ERC2: variants seen among roughly 807,000 people sequenced by gnomAD.
ERC2 encodes the protein ERC protein 2.
ERC2 carries 42 observed loss-of-function variants against 114.8 expected under a neutral mutation model. That is an observed-to-expected ratio of 0.37 (90% confidence interval 0.29 to 0.47). The LOEUF is 0.47. Among genes scored for constraint, ERC2 ranks in the 20% least tolerant of loss-of-function variants. ERC2 has a pLI of 0.99. For missense variants in ERC2, 939 were observed against 1,150.7 expected, an observed-to-expected ratio of 0.82 and a Z score of 2.66; for synonymous variants, 454 against 425.5, an observed-to-expected ratio of 1.07 and a Z score of -0.82.
intron 2 of ERC2, among the ~76,000 whole-genome samples, chr3:56,356,627 T>G (rs2058754216): frequency 6.6e-6 from 1 of 152,214 alleles, no homozygotes; most frequent in Admixed American, 6.5e-5. Flanking sequence ...GGCCTTTCCT[T>G]CCTTTCCTGG....
rs982196398 is a variant in ERC2, at chr3:55,792,482, C to T, written c.2565-57564G>A. ...CTGCTAAAATTAAGAGAGCAGATCA[C>T]TTCCCTTCTTACACCTAATCACCAG... On this transcript the variant is annotated intron_variant, in intron 14 of 17. Transcript: ENST00000288221. Among the ~76,000 whole-genome samples the T allele has an allele frequency of 2.0e-5, 3 of 152,278 alleles. No homozygotes were observed. In the South Asian group the frequency reaches 6.2e-4, roughly 32 times the overall value.
At chr3:55,771,981 C>T (rs2068240005) in intron 14 of ERC2, among the ~76,000 whole-genome samples, 1 of 152,174 alleles carries the variant, frequency 6.6e-6, no homozygotes, top group African/African-American at 2.4e-5. Flanking sequence ...CTGGGAGCAA[C>T]TCATAAAGGA....
intron 2 of ERC2, among the ~76,000 whole-genome samples, chr3:56,349,870 G>A (rs1219690876): frequency 5.4e-5 from 8 of 149,446 alleles, no homozygotes; most frequent in Admixed American, 1.3e-4. Flanking sequence ...CAGAGACCAC[G>A]CCATTGCACT....
chr3:56,217,427 A>G (rs1219088943), intron 3 of ERC2, among the ~76,000 whole-genome samples: 1 of 152,210 alleles, frequency 6.6e-6, no homozygotes, highest in Admixed American at 6.5e-5. Context: ...AATCCAACTT[A>G]CAAGGGATGT....
chr3:56,123,106 C>T (rs556824581), intron 6 of ERC2, among the ~76,000 whole-genome samples: 1 of 152,274 alleles, frequency 6.6e-6, no homozygotes, highest in South Asian at 2.1e-4. Flanking sequence ...TTCCTCTCTT[C>T]CCAACCTCCT....
At chr3:55,811,342 A>ACT (rs112272075) in intron 14 of ERC2, among the ~76,000 whole-genome samples, 1 of 151,938 alleles carries the variant, frequency 6.6e-6, no homozygotes, top group African/African-American at 2.4e-5. Flanking sequence ...GCTTTTAGGT[A>ACT]CTCTCTCTCT....
Position 55,888,562 on chromosome 3 carries a change from T to TGGAGC in ERC2, c.2404-18_2404-14dup. 6.2e-7 allele frequency: 1 copy of TGGAGC among 1,613,256 alleles called. No homozygotes were observed. Among genetic ancestry groups the TGGAGC allele is most frequent in the Non-Finnish European group, 8.5e-7 (1 of 1,179,290 alleles). On this transcript the variant is annotated splice_polypyrimidine_tract_variant and intron_variant, in intron 13 of 17. Transcript: ENST00000288221. ...TCAGTTCCTCTATCTGAAAGGCACA[T>TGGAGC]GGAGCTCTGTGTGTTATTTCTCCTT...
intron 14 of ERC2, among the ~76,000 whole-genome samples, chr3:55,793,269 A>G (rs1002286694): frequency 1.3e-5 from 2 of 152,210 alleles, no homozygotes; most frequent in African/African-American, 4.8e-5. Flanking sequence ...CTATAAACAC[A>G]AAAAGGTGAG....
chr3:55,997,572 T>C (rs1296098145), intron 10 of ERC2, among the ~76,000 whole-genome samples: 2 of 148,860 alleles, frequency 1.3e-5, no homozygotes, highest in Admixed American at 6.7e-5. Flanking sequence ...GATATAACTC[T>C]ATTATAGACT....
intron 7 of ERC2, among the ~76,000 whole-genome samples, chr3:56,032,714 C>G (rs1241310475): frequency 6.6e-6 from 1 of 151,738 alleles, no homozygotes; most frequent in Non-Finnish European, 1.5e-5. Flanking sequence ...GGAACCCCAA[C>G]CAGGCACTGT....
chr3:56,169,056 C>T lies in ERC2; in HGVS notation c.1149+4390G>A, dbSNP rs1228004691. Reference sequence around the variant, plus strand: ...GTGGGACTGGAAAGCTAAATACCCACAATCCCCACTTCAATTACCACAGAA... The same window carrying T: ...GTGGGACTGGAAAGCTAAATACCCATAATCCCCACTTCAATTACCACAGAA... On this transcript the variant is annotated intron_variant, in intron 4 of 17. Coordinates refer to ENST00000288221, the MANE Select transcript of ERC2 (RefSeq NM_015576.3). 3.3e-5 allele frequency among the ~76,000 whole-genome samples: 5 copies of T among 152,214 alleles called. No homozygotes were observed. The East Asian group carries it at 9.6e-4, about 29-fold the overall frequency.
intron 13 of ERC2, among the ~76,000 whole-genome samples, chr3:55,948,219 T>C (rs1410637658): frequency 6.6e-6 from 1 of 152,240 alleles, no homozygotes; most frequent in Admixed American, 6.5e-5. Flanking sequence ...ACATGATATT[T>C]TTCTGGATAT....
At chr3:56,347,599 A>G (rs904224634) in intron 2 of ERC2, among the ~76,000 whole-genome samples, 1 of 151,780 alleles carries the variant, frequency 6.6e-6, no homozygotes, top group Non-Finnish European at 1.5e-5. Flanking sequence ...AAGACCCCCA[A>G]TCCCAGCCTG....
At position 55,609,394 on chromosome 3, in the gene ERC2, G is replaced by C. The variant is rs1346908135; in HGVS notation, c.*39+74400C>G. ...CATGATCCCATCAAAGCCAATGAGA[G>C]ACACTGACACTTTTTGCAGGGCCTG... On this transcript the variant is annotated intron_variant, in intron 17 of 17. Coordinates refer to ENST00000288221, the MANE Select transcript of ERC2 (RefSeq NM_015576.3). 1.3e-5 allele frequency among the ~76,000 whole-genome samples: 2 copies of C among 152,182 alleles called. 1 individual carries two copies. The highest frequency in any genetic ancestry group is 2.9e-5 in the Non-Finnish European group (2 of 68,030).
chr3:55,749,958 T>C (rs1166861095), intron 14 of ERC2, among the ~76,000 whole-genome samples: 3 of 152,164 alleles, frequency 2.0e-5, no homozygotes, highest in African/African-American at 7.2e-5. Context: ...AAGATCCCAT[T>C]GAAGAGGGGC....
chr3:56,017,917 G>A (rs2073418830), intron 8 of ERC2, among the ~76,000 whole-genome samples: 1 of 152,116 alleles, frequency 6.6e-6, no homozygotes, highest in Admixed American at 6.6e-5. Context: ...CATCCCCAAT[G>A]CAGGTTATGC....
At chr3:55,972,096 A>G (rs2069202008) in intron 12 of ERC2, among the ~76,000 whole-genome samples, 2 of 152,058 alleles carry the variant, frequency 1.3e-5, no homozygotes, top group Admixed American at 6.6e-5. Context: ...CCATCCATCC[A>G]TCCACCTAGT....
intron 17 of ERC2, among the ~76,000 whole-genome samples, chr3:55,605,707 A>G (rs2148544476): frequency 6.6e-6 from 1 of 152,360 alleles, no homozygotes; most frequent in African/African-American, 2.4e-5. Flanking sequence ...TCAATCCAGA[A>G]GGAATATGAG....
chr3:55,867,668 GTTC>G (rs532011407), intron 14 of ERC2, among the ~76,000 whole-genome samples: 137 of 152,142 alleles, frequency 9.0e-4, no homozygotes, highest in African/African-American at 3.2e-3. Context: ...GAGTAAACTC[GTTC>G]TTCTTTTTGC....
Sources: allele counts gnomAD v4.1 joint callset (sites outside exome capture counted in the v4.1 genomes callset), GRCh38; gene constraint gnomAD v4.1.1; transcripts MANE v1.5; gene names NCBI Gene and HGNC (gene_info 2026-07-23, HGNC 2026-07-21).